RNF32: variants seen among roughly 807,000 people sequenced by gnomAD.
RNF32 encodes ring finger protein 32.
In RNF32, 36 loss-of-function variants were observed where a neutral mutation model predicts 41.0. The observed-to-expected ratio is 0.88, with a 90% confidence interval of 0.67 to 1.16. The LOEUF is 1.16. Among genes scored for constraint, RNF32 ranks in the 50% most tolerant of loss-of-function variants. The pLI is 0.00. For missense variants in RNF32, 413 were observed against 436.7 expected, an observed-to-expected ratio of 0.95 and a Z score of 0.48; for synonymous variants, 154 against 160.9, an observed-to-expected ratio of 0.96 and a Z score of 0.32.
chr7:156,646,523 C>T (rs1230385946), intron 3 of RNF32: 4 of 1,292,042 alleles, frequency 3.1e-6, no homozygotes, highest in Non-Finnish European at 4.0e-6. Flanking sequence ...TCTGCAAAGA[C>T]CCTATTTCCA....
intron 4 of RNF32, among the ~76,000 whole-genome samples, chr7:156,655,866 TA>T (rs1326767868): frequency 1.3e-5 from 2 of 152,200 alleles, no homozygotes; most frequent in East Asian, 3.8e-4. Context: ...TTACTTATAC[TA>T]AAATATCCAA....
chr7:156,648,303 G>A (rs763201975), intron 3 of RNF32, among the ~76,000 whole-genome samples: 9 of 152,128 alleles, frequency 5.9e-5, no homozygotes, highest in Admixed American at 2.6e-4. Flanking sequence ...CCACAGCGAC[G>A]CCAGGGGAGA....
chr7:156,659,085 T>C, intron 7 of RNF32: 1 of 1,359,552 alleles, frequency 7.4e-7, no homozygotes, highest in Middle Eastern at 2.4e-4. Context: ...GCTTTAGTTT[T>C]ACTTTTGGGG....
chr7:156,641,742 T>C (rs1797354377), intron 1 of RNF32, among the ~76,000 whole-genome samples: 1 of 152,250 alleles, frequency 6.6e-6, no homozygotes, highest in African/African-American at 2.4e-5. Context: ...AACTGTATCT[T>C]CTGCAGGTTA....
At chr7:156,659,515 T>G (rs757414363) in intron 7 of RNF32, 33 of 985,200 alleles carry the variant, frequency 3.3e-5, no homozygotes, top group Non-Finnish European at 4.0e-5. Context: ...TGGGCTACTC[T>G]TAGTAATTTC....
intron 7 of RNF32, among the ~76,000 whole-genome samples, chr7:156,671,905 C>T (rs1335939498): frequency 3.3e-5 from 5 of 151,834 alleles, no homozygotes; most frequent in Non-Finnish European, 7.4e-5. Context: ...ACGTATTAAT[C>T]GAAGACAAAA....
At chr7:156,664,126 G>A (rs552314238) in intron 7 of RNF32, among the ~76,000 whole-genome samples, 1 of 152,350 alleles carries the variant, frequency 6.6e-6, no homozygotes, top group East Asian at 1.9e-4. Flanking sequence ...CACATTGCGT[G>A]ATTGCCACCG....
At chr7:156,641,666 C>G (rs774417784) in intron 1 of RNF32, among the ~76,000 whole-genome samples, 1 of 152,196 alleles carries the variant, frequency 6.6e-6, no homozygotes, top group Non-Finnish European at 1.5e-5. Context: ...CAGTGGTCTA[C>G]TGTGTAGAAA....
At chr7:156,664,280 G>A (rs1245665170) in intron 7 of RNF32, among the ~76,000 whole-genome samples, 1 of 152,020 alleles carries the variant, frequency 6.6e-6, no homozygotes, top group East Asian at 1.9e-4. Flanking sequence ...TGACCAACAT[G>A]GAGAAACCCC....
At chr7:156,673,406 G>C (rs1332939865) in intron 7 of RNF32, among the ~76,000 whole-genome samples, 1 of 151,990 alleles carries the variant, frequency 6.6e-6, no homozygotes, top group Non-Finnish European at 1.5e-5. Context: ...AATTTATTTA[G>C]ATATTATTAG....
chr7:156,643,344 A>G (rs372607737), intron 1 of RNF32, among the ~76,000 whole-genome samples: 74 of 152,212 alleles, frequency 4.9e-4, no homozygotes, highest in African/African-American at 1.6e-3. Flanking sequence ...CAGTTTCTTC[A>G]TTGTTCCCTT....
chr7:156,661,210 C>CACA (rs1800612875), intron 7 of RNF32, among the ~76,000 whole-genome samples: 1 of 151,758 alleles, frequency 6.6e-6, no homozygotes, highest in African/African-American at 2.4e-5. Flanking sequence ...AAGGAGTGGG[C>CACA]ATAAGGGGCA....
intron 4 of RNF32, among the ~76,000 whole-genome samples, chr7:156,655,415 C>T (rs888396717): frequency 3.3e-5 from 5 of 152,120 alleles, no homozygotes; most frequent in African/African-American, 1.2e-4. Flanking sequence ...TGTGCGTGCA[C>T]GTGCGTGCGT....
At chr7:156,649,910 C>T (rs141371310) in intron 3 of RNF32, among the ~76,000 whole-genome samples, 261 of 152,276 alleles carry the variant, frequency 1.7e-3, no homozygotes, top group Non-Finnish European at 2.8e-3. Flanking sequence ...TAAGCTTCAC[C>T]AAATAAGTTG....
intron 1 of RNF32, chr7:156,643,174 T>C (rs917645926): frequency 6.6e-6 from 1 of 152,244 alleles, no homozygotes; most frequent in African/African-American, 2.4e-5. Context: ...CCAGCGTTAT[T>C]ATACCTGCTT....
upstream of RNF32, chr7:156,640,243 C>A (rs983236249): frequency 2.2e-6 from 1 of 448,576 alleles, no homozygotes; most frequent in African/African-American, 2.0e-5. Context: ...CTGCCCTCGA[C>A]TAACAGCGCA....
intron 7 of RNF32, among the ~76,000 whole-genome samples, chr7:156,672,411 A>G (rs1802750361): frequency 1.3e-5 from 2 of 152,230 alleles, no homozygotes; most frequent in African/African-American, 2.4e-5. Context: ...ACTGAGGCAG[A>G]AGGAGGCAAT....
At position 156,676,570 on chromosome 7, in the gene RNF32, A is replaced by G; in HGVS notation, c.1004A>G (p.Glu335Gly). Residue 335 changes from glutamate (E) to glycine (G), a missense_variant, in exon 9 of 9, where the codon GAG (glutamate) becomes GGG (glycine). Physicochemically the swap from Glu to Gly is moderately conservative, Grantham distance 98. Coordinates refer to ENST00000317955, the MANE Select transcript of RNF32 (RefSeq NM_030936.4). ...CACCATGCGTGTCTGCTGGCACTAG[A>G]GGAGTTCTCCGTGGGAGACAGGCCT... ...VFHHACLLAL[E>G]EFSVGDRPPF... 1 of 1,614,200 alleles carries G rather than the reference A, an allele frequency of 6.2e-7. No homozygotes were observed. Among genetic ancestry groups the G allele is most frequent in the Non-Finnish European group, 8.5e-7 (1 of 1,180,022 alleles).
chr7:156,673,983 C>A (rs1327220357), intron 7 of RNF32, among the ~76,000 whole-genome samples: 1 of 152,028 alleles, frequency 6.6e-6, no homozygotes, highest in Non-Finnish European at 1.5e-5. Flanking sequence ...CAGTCATGGA[C>A]CATCCAAAAT....
Sources: allele counts gnomAD v4.1 joint callset (sites outside exome capture counted in the v4.1 genomes callset), GRCh38; gene constraint gnomAD v4.1.1; transcripts MANE v1.5; gene names NCBI Gene and HGNC (gene_info 2026-07-23, HGNC 2026-07-21).